The following C1QTNF3 variants were observed in gnomAD, a reference collection of about 807,000 sequenced individuals.
C1QTNF3 encodes C1q and TNF related 3, also known as complement C1q tumor necrosis factor-related protein 3.
In C1QTNF3, 26 loss-of-function variants were observed where a neutral mutation model predicts 32.6. That is an observed-to-expected ratio of 0.80 (90% CI 0.58 to 1.11). The LOEUF (loss-of-function observed/expected upper bound fraction) is 1.11, where lower values mean the gene tolerates loss of function less well. Ranked by LOEUF, C1QTNF3 falls within the 50% of genes least tolerant of loss-of-function variation. The pLI, the probability that C1QTNF3 is intolerant of heterozygous loss-of-function variation, is 0.00. For synonymous variants in C1QTNF3, 155 were observed against 146.0 expected, an observed-to-expected ratio of 1.06 and a Z score of -0.44; for missense variants, 362 against 398.2, an observed-to-expected ratio of 0.91 and a Z score of 0.77.
At chr5:34,058,476 G>A in the C1QTNF3 span, among the ~76,000 whole-genome samples, 4 of 152,192 alleles carry the variant, frequency 2.6e-5, no homozygotes, top group South Asian at 8.3e-4. Flanking sequence ...CGGCTCACTG[G>A]GCAGTCACTC....
chr5:34,207,092 T>G, the C1QTNF3 span, among the ~76,000 whole-genome samples: 3 of 152,038 alleles, frequency 2.0e-5, no homozygotes, highest in African/African-American at 7.2e-5. Flanking sequence ...ATGTACAGTT[T>G]GAACATATTT....
chr5:34,102,297 GT>G, the C1QTNF3 span, among the ~76,000 whole-genome samples: 1 of 151,938 alleles, frequency 6.6e-6, no homozygotes, highest in Non-Finnish European at 1.5e-5. Flanking sequence ...ACACACATAA[GT>G]TTTTTCTTTA....
At chr5:34,094,038 C>T in the C1QTNF3 span, among the ~76,000 whole-genome samples, 1 of 152,162 alleles carries the variant, frequency 6.6e-6, no homozygotes, top group Non-Finnish European at 1.5e-5. Flanking sequence ...CACCAGGATG[C>T]CCAGAAAACA....
chr5:34,064,467 A>T, the C1QTNF3 span, among the ~76,000 whole-genome samples: 1 of 152,154 alleles, frequency 6.6e-6, no homozygotes, highest in South Asian at 2.1e-4. Context: ...GCTCTATTAG[A>T]AGCCATAGGT....
intron 4 of C1QTNF3, among the ~76,000 whole-genome samples, chr5:34,025,327 G>A (rs1220879277): frequency 6.6e-6 from 1 of 152,122 alleles, no homozygotes; most frequent in Non-Finnish European, 1.5e-5. Context: ...AAAATGACAG[G>A]AAAATATACT....
chr5:34,072,378 A>AAAGAAAGC, the C1QTNF3 span, among the ~76,000 whole-genome samples: 1 of 145,760 alleles, frequency 6.9e-6, no homozygotes, highest in Admixed American at 6.8e-5. Flanking sequence ...AAAGAGAAAG[A>AAAGAAAGC]AAGAAAGAAA....
chr5:34,062,363 C>T, the C1QTNF3 span, among the ~76,000 whole-genome samples: 1 of 152,142 alleles, frequency 6.6e-6, no homozygotes. Flanking sequence ...CCTTCTTTTC[C>T]TTTGTAGGAA....
At chr5:34,201,195 G>A in the C1QTNF3 span, among the ~76,000 whole-genome samples, 2 of 151,314 alleles carry the variant, frequency 1.3e-5, no homozygotes, top group East Asian at 1.9e-4. Flanking sequence ...GTGTACTTTT[G>A]TTCTCTTTCA....
chr5:34,133,137 CCTT>C, the C1QTNF3 span, among the ~76,000 whole-genome samples: 3 of 152,192 alleles, frequency 2.0e-5, no homozygotes, highest in Non-Finnish European at 4.4e-5. Context: ...CAACCTCTCC[CCTT>C]CTTCTCTCTA....
chr5:34,234,802 T>C, the C1QTNF3 span, among the ~76,000 whole-genome samples: 1 of 152,140 alleles, frequency 6.6e-6, no homozygotes, highest in African/African-American at 2.4e-5. Flanking sequence ...TCTCCATGCC[T>C]CCATCTTAAA....
At chr5:34,215,689 G>T in the C1QTNF3 span, among the ~76,000 whole-genome samples, 1 of 152,120 alleles carries the variant, frequency 6.6e-6, no homozygotes, top group African/African-American at 2.4e-5. Context: ...CTGTCACCAA[G>T]GCTGGAGTGC....
intron 1 of C1QTNF3, among the ~76,000 whole-genome samples, chr5:34,042,140 T>C (rs892903677): frequency 6.6e-6 from 1 of 151,892 alleles, no homozygotes; most frequent in African/African-American, 2.4e-5. Flanking sequence ...GAGTTAAAGA[T>C]ATTTCCTTAG....
At chr5:34,147,766 A>G in the C1QTNF3 span, among the ~76,000 whole-genome samples, 2 of 152,232 alleles carry the variant, frequency 1.3e-5, no homozygotes, top group African/African-American at 2.4e-5. Flanking sequence ...TCAGCATCAC[A>G]CAACAGATTC....
At chr5:34,056,469 TATATATATATAGAGAGAGAGAGAGAGAG>T in the C1QTNF3 span, among the ~76,000 whole-genome samples, 1 of 109,314 alleles carries the variant, frequency 9.1e-6, no homozygotes, top group African/African-American at 3.7e-5. Context: ...TATATATATA[TATATATATATAGAGAGAGAGAGAGAGAG>T]AGAGAGAGAG....
the C1QTNF3 span, chr5:34,218,531 T>C: frequency 6.6e-6 from 1 of 152,334 alleles, no homozygotes; most frequent in African/African-American, 2.4e-5. Flanking sequence ...ATGAAATTGG[T>C]TAGCTTTCTA....
chr5:34,153,853 T>TAATAAAAAA, the C1QTNF3 span, among the ~76,000 whole-genome samples: 1 of 32,940 alleles, frequency 3.0e-5, no homozygotes, highest in African/African-American at 9.3e-5. Flanking sequence ...ACTTAGAGTA[T>TAATAAAAAA]AAAAAAAAAA....
chr5:34,137,111 C>T, the C1QTNF3 span, among the ~76,000 whole-genome samples: 7 of 148,894 alleles, frequency 4.7e-5, no homozygotes, highest in African/African-American at 1.5e-4. Flanking sequence ...CAAACTTCCA[C>T]GTTGTGCACA....
chr5:34,197,609 G>T, the C1QTNF3 span, among the ~76,000 whole-genome samples: 1 of 152,094 alleles, frequency 6.6e-6, no homozygotes, highest in Non-Finnish European at 1.5e-5. Flanking sequence ...TCAGGGAAAT[G>T]ATGGATTTGG....
the C1QTNF3 span, among the ~76,000 whole-genome samples, chr5:34,075,426 T>C: frequency 1.3e-5 from 2 of 151,684 alleles, no homozygotes; most frequent in South Asian, 4.1e-4. Context: ...TTGAGTCTAG[T>C]AGAACTGAGT....
Sources: allele counts gnomAD v4.1 joint callset (sites outside exome capture counted in the v4.1 genomes callset), GRCh38; gene constraint gnomAD v4.1.1; transcripts MANE v1.5; gene names NCBI Gene and HGNC (gene_info 2026-07-23, HGNC 2026-07-21).